RYR2: variants seen among roughly 807,000 people sequenced by gnomAD.
RYR2 encodes cardiac muscle ryanodine receptor-calcium release channel.
Under a neutral mutation model 601.1 loss-of-function variants are expected in RYR2, and 227 were observed. The ratio of observed to expected loss-of-function variants is 0.38; its 90% CI spans 0.34 to 0.42. The LOEUF (loss-of-function observed/expected upper bound fraction) is 0.42, where lower values mean the gene tolerates loss of function less well. Ranked by LOEUF, RYR2 falls within the 10% of genes least tolerant of loss-of-function variation. The pLI is 1.00. For synonymous variants in RYR2, 2,223 were observed against 2,175.1 expected (o/e 1.02, Z -0.61); for missense variants, 4,646 against 6,156.5 (o/e 0.75, Z 8.21).
At chr1:237,064,652 G>A (rs971953606) in intron 1 of RYR2, among the ~76,000 whole-genome samples, 4 of 151,326 alleles carry the variant, frequency 2.6e-5, no homozygotes, top group Non-Finnish European at 4.4e-5. Context: ...AGGCTTATTT[G>A]TCTCCATATT....
intron 8 of RYR2, among the ~76,000 whole-genome samples, chr1:237,381,251 CAAAAAAAA>C (rs60493059): frequency 1.1e-4 from 5 of 45,768 alleles, no homozygotes; most frequent in African/African-American, 2.3e-4. Context: ...GACTCCGTCT[CAAAAAAAA>C]AAAAAAAAAA....
intron 96 of RYR2, among the ~76,000 whole-genome samples, chr1:237,795,875 C>CACAT (rs1401935653): frequency 1.1e-5 from 1 of 91,040 alleles, no homozygotes; most frequent in Non-Finnish European, 2.4e-5. Flanking sequence ...TATATATATA[C>CACAT]ACATATATAT....
At chr1:237,565,216 TTTCTTTC>T (rs1264428769) in intron 27 of RYR2, among the ~76,000 whole-genome samples, 1 of 142,094 alleles carries the variant, frequency 7.0e-6, no homozygotes, top group Admixed American at 7.2e-5. Context: ...TCTTTCTTTC[TTTCTTTC>T]TTTTGTCTTT....
intron 29 of RYR2, among the ~76,000 whole-genome samples, chr1:237,575,348 A>G (rs1051052349): frequency 6.6e-6 from 1 of 152,152 alleles, no homozygotes. Flanking sequence ...GGTCTACTGC[A>G]TTTTACCAAA....
chr1:237,443,186 A>G (rs942673965), intron 13 of RYR2, among the ~76,000 whole-genome samples: 1 of 151,820 alleles, frequency 6.6e-6, no homozygotes, highest in Admixed American at 6.6e-5. Context: ...TACCTTTAAA[A>G]TTTTAGTTTT....
chr1:237,630,451 A>C (rs1680129937), intron 41 of RYR2, among the ~76,000 whole-genome samples: 2 of 152,146 alleles, frequency 1.3e-5, no homozygotes. Context: ...CTGTTCATTA[A>C]AAATAATAAA....
rs1299197961 is a variant in RYR2, at chr1:237,732,097, C to T, written c.10987C>T (p.Pro3663Ser). 3 of 1,611,598 alleles carry T rather than the reference C, an allele frequency of 1.9e-6. No homozygotes were observed. Among genetic ancestry groups the T allele is most frequent in the Non-Finnish European group, 2.5e-6 (3 of 1,178,450 alleles). Residue 3663 changes from proline (P) to serine (S), a missense_variant, in exon 78 of 105, where the codon CCT (proline) becomes TCT (serine). Around this residue, in one of 17 missense-constraint regions of RYR2, gnomAD observed 1,497 missense variants for 1,842.6 expected, o/e 0.81. Coordinates refer to ENST00000366574, the MANE Select transcript of RYR2 (RefSeq NM_001035.3). Reference sequence around the variant, plus strand: ...AGATGAAGGCACTAAGAGAGTTGATCCTCTACATCAGCTGATCCTTCTGTT... The same window carrying T: ...AGATGAAGGCACTAAGAGAGTTGATTCTCTACATCAGCTGATCCTTCTGTT... ...EEDEGTKRVD[P>S]LHQLILLFSR...
intron 29 of RYR2, among the ~76,000 whole-genome samples, chr1:237,574,888 G>A (rs969056660): frequency 6.6e-6 from 1 of 152,156 alleles, no homozygotes; most frequent in African/African-American, 2.4e-5. Flanking sequence ...AGAGAACCCA[G>A]CCCTACCATG....
At position 237,310,222 on chromosome 1, in the gene RYR2, A is replaced by G. The variant is rs181302458; in HGVS notation, c.169-20656A>G. 7.3e-4 allele frequency among the ~76,000 whole-genome samples: 111 copies of G among 152,334 alleles called. 1 individual carries two copies. The highest frequency in any genetic ancestry group is 2.4e-3 in the African/African-American group (100 of 41,590). On this transcript the variant is annotated intron_variant, in intron 2 of 104. Transcript: ENST00000366574. ...ATTATTGTGCTATTTAGGAGAATGG[A>G]TGACTACTGTAGGTATTATACTAAT...
In RYR2 at chr1:237,425,755, G is replaced by A. The variant is rs1010425386; in HGVS notation, c.1005+2507G>A. On this transcript the variant is annotated intron_variant, in intron 12 of 104. Coordinates refer to ENST00000366574, the MANE Select transcript of RYR2 (RefSeq NM_001035.3). ...GGCTGAGGAGGAGGAGGAGGAAGAA[G>A]AGGGGCTGGTCTTGTTGTCTTAGGG... Among the ~76,000 whole-genome samples the A allele has an allele frequency of 2.5e-4, 38 of 152,190 alleles. No homozygotes were observed. In the South Asian group the frequency reaches 4.1e-3, roughly 17 times the overall value.
intron 1 of RYR2, among the ~76,000 whole-genome samples, chr1:237,255,059 T>A (rs1038099068): frequency 2.0e-5 from 3 of 152,200 alleles, no homozygotes; most frequent in Admixed American, 6.5e-5. Flanking sequence ...AGCACACACA[T>A]TATGATGAAG....
At chr1:237,148,571 T>C (rs2148800974) in intron 1 of RYR2, among the ~76,000 whole-genome samples, 1 of 141,596 alleles carries the variant, frequency 7.1e-6, no homozygotes, top group South Asian at 2.3e-4. Flanking sequence ...CACATATATA[T>C]ATATATACAC....
intron 54 of RYR2, 87 bp downstream of exon 54, chr1:237,658,109 T>G: frequency 1.4e-6 from 1 of 710,108 alleles, no homozygotes; most frequent in Non-Finnish European, 2.2e-6. Context: ...AGTTTTCTGT[T>G]TTAAAATGAG....
intron 3 of RYR2, among the ~76,000 whole-genome samples, chr1:237,340,362 T>C (rs1450557718): frequency 6.6e-6 from 1 of 152,202 alleles, no homozygotes; most frequent in Non-Finnish European, 1.5e-5. Context: ...AATGCCTCCT[T>C]GCTCTTGAGA....
At chr1:237,170,473 G>A (rs1677235307) in intron 1 of RYR2, among the ~76,000 whole-genome samples, 1 of 152,172 alleles carries the variant, frequency 6.6e-6, no homozygotes, top group African/African-American at 2.4e-5. Flanking sequence ...CTGCCAGGTG[G>A]TCTGGGTAAC....
intron 1 of RYR2, among the ~76,000 whole-genome samples, chr1:237,103,329 G>T (rs975333000): frequency 6.6e-6 from 1 of 152,240 alleles, no homozygotes; most frequent in Non-Finnish European, 1.5e-5. Context: ...GAAAAGGTCA[G>T]TACCTGCTTT....
At chr1:237,609,054 C>G (rs1462002944) in intron 35 of RYR2, among the ~76,000 whole-genome samples, 2 of 149,248 alleles carry the variant, frequency 1.3e-5, no homozygotes, top group Non-Finnish European at 1.5e-5. Flanking sequence ...CTTCCTTGTC[C>G]CTGTCCCTTT....
intron 98 of RYR2, 62 bp from the exon 99 acceptor site, chr1:237,806,075 C>G: frequency 1.4e-6 from 2 of 1,460,814 alleles, no homozygotes; most frequent in Non-Finnish European, 1.9e-6. Flanking sequence ...TTGCTTAACC[C>G]ATAACAATAG....
At chr1:237,134,143 A>G (rs1159031343) in intron 1 of RYR2, among the ~76,000 whole-genome samples, 1 of 152,160 alleles carries the variant, frequency 6.6e-6, no homozygotes, top group African/African-American at 2.4e-5. Flanking sequence ...CTTCTGAGAC[A>G]CTGTGGTTCA....
Sources: gnomAD v4.1 joint callset for allele counts (sites outside exome capture counted in the v4.1 genomes callset) on GRCh38, gnomAD v4.1.1 for gene constraint, gnomAD v4.1.1 regional missense constraint, MANE v1.5 for transcripts, NCBI Gene and HGNC (gene_info 2026-07-23, HGNC 2026-07-21) for gene names.